UGT2B17: variants seen among roughly 807,000 people sequenced by gnomAD.
The protein encoded by UGT2B17 is UDP glucuronosyltransferase family 2 member B17, also known as UDP-glucuronosyltransferase 2B17.
UGT2B17 carries 21 observed loss-of-function variants against 48.2 expected under a neutral mutation model. That is an observed-to-expected ratio of 0.44 (90% CI 0.31 to 0.63). The LOEUF (loss-of-function observed/expected upper bound fraction) is 0.63. Ranked by LOEUF, UGT2B17 falls within the 20% of genes least tolerant of loss-of-function variation. The pLI is 0.08. For synonymous variants in UGT2B17, 146 were observed against 238.4 expected (o/e 0.61, Z 3.57); for missense variants, 402 against 696.1 (o/e 0.58, Z 4.75).
chr4:68,538,302 C>G (rs1730591452), intron 6 of UGT2B17, among the ~76,000 whole-genome samples: 1 of 124,588 alleles, frequency 8.0e-6, no homozygotes, highest in African/African-American at 2.8e-5. Flanking sequence ...GTCACATGAT[C>G]ATGGCTCAGT....
In UGT2B17 at chr4:68,571,653, G is replaced by T. The variant is rs1731298815; in HGVS notation, c.-64-3105C>A. 1.6e-5 allele frequency among the ~76,000 whole-genome samples: 2 copies of T among 125,810 alleles called. 1 individual carries two copies. The highest frequency in any genetic ancestry group is 5.5e-5 in the African/African-American group (2 of 36,646). The allele number at this position is 125,810 out of a possible 152,430, so 82.5% of individuals were successfully genotyped here. ...TAGAGATGATCAGGGTGATTCTTTT[G>T]GGCTGGGAATTCATCAGGAAATGGG... is the stretch of plus-strand genomic sequence containing the variant. On this transcript the variant is annotated intron_variant, in intron 1 of 6. Coordinates refer to ENST00000317746, the MANE Select transcript of UGT2B17 (RefSeq NM_001077.4).
At chr4:68,539,935 TC>T (rs1730623599) in intron 6 of UGT2B17, among the ~76,000 whole-genome samples, 1 of 119,774 alleles carries the variant, frequency 8.3e-6, no homozygotes, top group African/African-American at 2.9e-5. Context: ...CAGGTGCTCA[TC>T]CCCCACATCT....
rs1296062440 is a variant in UGT2B17, at chr4:68,557,371, C to T, written c.1005+3166G>A. 5.6e-5 allele frequency among the ~76,000 whole-genome samples: 7 copies of T among 124,320 alleles called. 2 individuals are homozygous for T. The highest frequency in any genetic ancestry group is 1.9e-4 in the African/African-American group (7 of 36,520). The allele number at this position is 124,320 out of a possible 152,430, so 81.6% of individuals were successfully genotyped here. On this transcript the variant is annotated intron_variant, in intron 4 of 6. Transcript: ENST00000317746. Reference sequence around the variant, plus strand: ...TTTTTGATAATTTTGGAGATTGTGACATTAGAATGGAAGAAAAACTTTCAG... The same window carrying T: ...TTTTTGATAATTTTGGAGATTGTGATATTAGAATGGAAGAAAAACTTTCAG...
At position 68,541,724 on chromosome 4, in the gene UGT2B17, C is replaced by T. The variant is rs188643406; in HGVS notation, c.1314-3820G>A. 2.0e-4 allele frequency among the ~76,000 whole-genome samples: 25 copies of T among 126,638 alleles called. 11 individuals are homozygous for T. In the East Asian group the frequency reaches 0.015, roughly 75 times the overall value. The allele number at this position is 126,638 out of a possible 152,430, so 83.1% of individuals were successfully genotyped here. A position where few individuals can be genotyped will look rare whatever the true frequency, so the allele number is the denominator to read the frequency against. On this transcript the variant is annotated intron_variant, in intron 6 of 6. Transcript: ENST00000317746. ...TGTGTCATGAAATTTTTGCCCACGCCTATGTCCTGAATGATGTTGCTTAGG... is the reference window on the plus strand; with the variant it reads ...TGTGTCATGAAATTTTTGCCCACGCTTATGTCCTGAATGATGTTGCTTAGG...
intron 6 of UGT2B17, among the ~76,000 whole-genome samples, chr4:68,549,248 C>T (rs1730872904): frequency 8.2e-6 from 1 of 121,700 alleles, no homozygotes. Flanking sequence ...GTAGTCACAG[C>T]ATTTTCCATA....
chr4:68,565,807 G>A lies in UGT2B17; in HGVS notation c.725-87C>T, dbSNP rs1468712400. 4.2e-6 allele frequency: 5 copies of A among 1,182,546 alleles called. 1 individual carries two copies. The highest frequency in any genetic ancestry group is 4.3e-6 in the Non-Finnish European group (4 of 933,824). The allele number at this position is 1,182,546 out of a possible 1,614,324, so 73.3% of individuals were successfully genotyped here. ...TGAATATGCAGGTATTTTCCTGAAA[G>A]GACTTGGAATAACATACCTAAAAAT... On this transcript the variant is annotated intron_variant, in intron 2 of 6. Coordinates refer to ENST00000317746, the MANE Select transcript of UGT2B17 (RefSeq NM_001077.4).
chr4:68,542,677 A>G (rs1266609288), intron 6 of UGT2B17, among the ~76,000 whole-genome samples: 1 of 127,272 alleles, frequency 7.9e-6, no homozygotes, highest in Non-Finnish European at 1.7e-5. Flanking sequence ...GGGTCTGTGA[A>G]TTCCCTTCCC....
At position 68,571,030 on chromosome 4, in the gene UGT2B17, C is replaced by T. The variant is rs1279266760; in HGVS notation, c.-64-2482G>A. Among the ~76,000 whole-genome samples, 2 of 126,352 alleles carry T rather than the reference C, an allele frequency of 1.6e-5. 1 individual carries two copies. Among genetic ancestry groups the T allele is most frequent in the Admixed American group, 1.6e-4 (2 of 12,354 alleles). The allele number at this position is 126,352 out of a possible 152,430, so 82.9% of individuals were successfully genotyped here. Reference sequence around the variant, plus strand: ...GATAGATTGCATTTCTCATCTGAGTCTCTTGCCGGGCAAGAACGGTCAAGG... The same window carrying T: ...GATAGATTGCATTTCTCATCTGAGTTTCTTGCCGGGCAAGAACGGTCAAGG... On this transcript the variant is annotated intron_variant, in intron 1 of 6. Transcript: ENST00000317746.
rs1374877333 is a variant in UGT2B17 at position 68,544,947 on chromosome 4, A to G, written c.1313+5730T>C. On this transcript the variant is annotated intron_variant, in intron 6 of 6. Coordinates refer to ENST00000317746, the MANE Select transcript of UGT2B17 (RefSeq NM_001077.4). Reference sequence around the variant, plus strand: ...AAAGCAAGTCCTTAGATACCTACAAAGAGACTTAGACTCCCACACAATAAT... The same window carrying G: ...AAAGCAAGTCCTTAGATACCTACAAGGAGACTTAGACTCCCACACAATAAT... 6.3e-5 allele frequency among the ~76,000 whole-genome samples: 8 copies of G among 126,390 alleles called. 2 individuals carry two copies. The highest frequency in any genetic ancestry group is 1.1e-4 in the African/African-American group (4 of 36,918). 82.9% of individuals were successfully genotyped at this position (126,390 alleles called of 152,430 possible). A position where few individuals can be genotyped will look rare whatever the true frequency, so the allele number is the denominator to read the frequency against.
Position 68,543,596 on chromosome 4 carries a change from G to A in UGT2B17, c.1314-5692C>T, listed in dbSNP as rs1375478285. On this transcript the variant is annotated intron_variant, in intron 6 of 6. Transcript: ENST00000317746. ...AAGCTGGATGGAGAATGACTTTGACGAGTTCAGAGAAGAAGGCTTCAGACG... is the reference window on the plus strand; with the variant it reads ...AAGCTGGATGGAGAATGACTTTGACAAGTTCAGAGAAGAAGGCTTCAGACG... 1.4e-4 allele frequency among the ~76,000 whole-genome samples: 18 copies of A among 125,856 alleles called. 8 individuals carry two copies. The South Asian group carries it at 5.6e-3, about 39-fold the overall frequency. The allele number at this position is 125,856 out of a possible 152,430, so 82.6% of individuals were successfully genotyped here.
rs1409176821 is a variant in UGT2B17, at chr4:68,556,145, G to A, written c.1006-4234C>T. On this transcript the variant is annotated intron_variant, in intron 4 of 6. Coordinates refer to ENST00000317746, the MANE Select transcript of UGT2B17 (RefSeq NM_001077.4). ...ATGATCAAGTTGTCTATAATTAAAGGGAAATTATAATGGTGTTTCTACAGA... is the reference window on the plus strand; with the variant it reads ...ATGATCAAGTTGTCTATAATTAAAGAGAAATTATAATGGTGTTTCTACAGA... Among the ~76,000 whole-genome samples the A allele has an allele frequency of 3.2e-5, 4 of 123,504 alleles. 1 individual carries two copies. Among genetic ancestry groups the A allele is most frequent in the African/African-American group, 8.2e-5 (3 of 36,432 alleles). The allele number at this position is 123,504 out of a possible 152,430, so 81.0% of individuals were successfully genotyped here. A position where few individuals can be genotyped will look rare whatever the true frequency, so the allele number is the denominator to read the frequency against.
At position 68,565,761 on chromosome 4, in the gene UGT2B17, C is replaced by A. The variant is rs777959667; in HGVS notation, c.725-41G>T. The A allele has an allele frequency of 3.1e-6, 4 of 1,305,320 alleles. 1 individual carries two copies. The highest frequency in any genetic ancestry group is 3.9e-6 in the Non-Finnish European group (4 of 1,015,280). The allele number at this position is 1,305,320 out of a possible 1,614,324, so 80.9% of individuals were successfully genotyped here. A position where few individuals can be genotyped will look rare whatever the true frequency, so the allele number is the denominator to read the frequency against. ...AAAACAAAACAAAAGGTAGCTAACACGAGAATTGTTATTTTAATATTGAAT... is the reference window on the plus strand; with the variant it reads ...AAAACAAAACAAAAGGTAGCTAACAAGAGAATTGTTATTTTAATATTGAAT... On this transcript the variant is annotated intron_variant, in intron 2 of 6. Transcript: ENST00000317746.
intron 2 of UGT2B17, 90 bp downstream of exon 2, chr4:68,567,671 C>T: frequency 1.1e-6 from 1 of 936,892 alleles, no homozygotes; most frequent in Non-Finnish European, 1.4e-6. Flanking sequence ...CATAAAAACA[C>T]TATCTTCTGA....
Position 68,569,110 on chromosome 4 carries a change from A to G in UGT2B17, c.-64-562T>C, listed in dbSNP as rs1731259212. 2.4e-5 allele frequency among the ~76,000 whole-genome samples: 3 copies of G among 125,888 alleles called. No homozygotes were observed. In the South Asian group the frequency reaches 1.1e-3, roughly 45 times the overall value. The allele number at this position is 125,888 out of a possible 152,430, so 82.6% of individuals were successfully genotyped here. ...GAGGGTTTTCCAGTGATCATGGCAG[A>G]TGGGATGCAGGACTAGATTGCAGCT... On this transcript the variant is annotated intron_variant, in intron 1 of 6. Transcript: ENST00000317746.
chr4:68,572,448 T>A (rs1731310507), intron 1 of UGT2B17, among the ~76,000 whole-genome samples: 1 of 126,474 alleles, frequency 7.9e-6, no homozygotes, highest in African/African-American at 2.7e-5. Context: ...ACAAACAATT[T>A]GTTGTTGTTT....
At chr4:68,552,036 G>A (rs1486481382) in intron 4 of UGT2B17, 125 bp from the exon 5 acceptor site, 1 of 659,256 alleles carries the variant, frequency 1.5e-6, no homozygotes, top group African/African-American at 1.9e-5. Flanking sequence ...AAGAAGTGAT[G>A]TCAAGTAATG....
In UGT2B17 at chr4:68,540,758, C is replaced by T. The variant is rs1343725104; in HGVS notation, c.1314-2854G>A. Among the ~76,000 whole-genome samples, 6 of 124,774 alleles carry T rather than the reference C, an allele frequency of 4.8e-5. 2 individuals carry two copies. Among genetic ancestry groups the T allele is most frequent in the Admixed American group, 1.6e-4 (2 of 12,170 alleles). 81.9% of individuals were successfully genotyped at this position (124,774 alleles called of 152,430 possible). A position where few individuals can be genotyped will look rare whatever the true frequency, so the allele number is the denominator to read the frequency against. On this transcript the variant is annotated intron_variant, in intron 6 of 6. Coordinates refer to ENST00000317746, the MANE Select transcript of UGT2B17 (RefSeq NM_001077.4). ...TCAATCTGTCATCTAGATTTTAAGTCCCTCATGTATTAGCTATTTGTCCTG... is the reference window on the plus strand; with the variant it reads ...TCAATCTGTCATCTAGATTTTAAGTTCCTCATGTATTAGCTATTTGTCCTG...
Position 68,537,908 on chromosome 4 carries a change from A to T in UGT2B17, c.1314-4T>A. 1 of 1,335,830 alleles carries T rather than the reference A, an allele frequency of 7.5e-7. No individual in the cohort carries two copies. Among genetic ancestry groups the T allele is most frequent in the South Asian group, 1.9e-5 (1 of 53,828 alleles). The allele number at this position is 1,335,830 out of a possible 1,614,324, so 82.7% of individuals were successfully genotyped here. On this transcript the variant is annotated splice_polypyrimidine_tract_variant and splice_region_variant and intron_variant, in intron 6 of 6. Transcript: ENST00000317746. ...TTTCATGATATTCTCTTTATAGCTG[A>T]AGGATAAATATAAAGATATCAACAT...
At chr4:68,538,532 C>G (rs1352746945) in intron 6 of UGT2B17, among the ~76,000 whole-genome samples, 1 of 125,888 alleles carries the variant, frequency 7.9e-6, no homozygotes, top group African/African-American at 2.7e-5. Flanking sequence ...ACCACTGTGC[C>G]CAGCCCATTT....
Sources: allele counts gnomAD v4.1 joint callset (sites outside exome capture counted in the v4.1 genomes callset), GRCh38; gene constraint gnomAD v4.1.1; transcripts MANE v1.5; gene names NCBI Gene and HGNC (gene_info 2026-07-23, HGNC 2026-07-21).